Variants in USP48 observed in about 807,000 individuals in gnomAD.
USP48 encodes the protein ubiquitin carboxyl-terminal hydrolase 48.
USP48 carries 43 observed loss-of-function variants against 150.7 expected under a neutral mutation model. The observed-to-expected ratio is 0.29, with a 90% CI of 0.22 to 0.37. USP48 has a LOEUF of 0.37. USP48 is among the 10% of genes least tolerant of loss of function. The pLI, the probability that USP48 is intolerant of heterozygous loss-of-function variation, is 1.00. For missense variants in USP48, 813 were observed against 1,249.6 expected, an observed-to-expected ratio of 0.65 and a Z score of 5.27; for synonymous variants, 396 against 425.9, an observed-to-expected ratio of 0.93 and a Z score of 0.86.
intron 1 of USP48, 85 bp downstream of exon 1, chr1:21,782,739 G>A: frequency 1.4e-6 from 2 of 1,432,350 alleles, no homozygotes; most frequent in Non-Finnish European, 1.8e-6. Context: ...CACGCAAAGG[G>A]CTGCCGTCTT....
intron 12 of USP48, among the ~76,000 whole-genome samples, chr1:21,722,117 C>T (rs2097722685): frequency 6.6e-6 from 1 of 151,828 alleles, no homozygotes; most frequent in Non-Finnish European, 1.5e-5. Flanking sequence ...AAATAATGAT[C>T]TTCATGTGAA....
In USP48 at chr1:21,735,514, T is replaced by G. The variant is rs146077671; in HGVS notation, c.1171+932A>C. The stretch of plus-strand genomic sequence containing the variant: ...ACCTGTAATCCCAGCACTTTGGGAG[T>G]TCAAGGCAGGCAGATCACTGGAGGC... On this transcript the variant is annotated intron_variant, in intron 9 of 26. Transcript: ENST00000308271. Among the ~76,000 whole-genome samples the G allele has an allele frequency of 2.2e-3, 337 of 151,820 alleles. 2 individuals carry two copies. Among genetic ancestry groups the G allele is most frequent in the African/African-American group, 7.0e-3 (290 of 41,410 alleles).
chr1:21,697,218 C>T (rs1214492058), intron 22 of USP48, among the ~76,000 whole-genome samples: 6 of 152,004 alleles, frequency 3.9e-5, no homozygotes, highest in Admixed American at 3.9e-4. Flanking sequence ...TGGCGAGACA[C>T]TGCCTGAGGA....
chr1:21,759,174 A>C (rs1352749079), intron 1 of USP48, among the ~76,000 whole-genome samples: 1 of 106,440 alleles, frequency 9.4e-6, no homozygotes. Context: ...AGAGAGAGAC[A>C]CGGTCTCAAA....
In USP48 at chr1:21,783,038, G is replaced by C. The variant is rs2097918546; in HGVS notation, c.-81C>G. The C allele has an allele frequency of 1.4e-6, 2 of 1,409,598 alleles. No homozygotes were observed. Among genetic ancestry groups the C allele is most frequent in the South Asian group, 1.5e-5 (1 of 64,878 alleles). 87.3% of individuals were successfully genotyped at this position (1,409,598 alleles called of 1,614,324 possible). A position where few individuals can be genotyped will look rare whatever the true frequency, so the allele number is the denominator to read the frequency against. On this transcript the variant is annotated 5_prime_UTR_variant, in exon 1 of 27. Transcript: ENST00000308271. Reference sequence around the variant, plus strand: ...CTGCACCGCCGCCCCAATGGGCTTCGCCACCTGCCAGCAAGGAGGACCTGG... The same window carrying C: ...CTGCACCGCCGCCCCAATGGGCTTCCCCACCTGCCAGCAAGGAGGACCTGG...
intron 14 of USP48, among the ~76,000 whole-genome samples, chr1:21,716,347 T>G (rs1393214960): frequency 6.6e-6 from 1 of 152,158 alleles, no homozygotes; most frequent in Non-Finnish European, 1.5e-5. Context: ...AGAGGGTTGC[T>G]AGGTGACCAG....
chr1:21,683,695 G>C (rs1246890291), intron 25 of USP48, among the ~76,000 whole-genome samples: 1 of 152,122 alleles, frequency 6.6e-6, no homozygotes, highest in African/African-American at 2.4e-5. Flanking sequence ...TAGCTCTTTT[G>C]AAATATACAA....
At chr1:21,730,766 T>TC (rs1353949256) in intron 9 of USP48, among the ~76,000 whole-genome samples, 4 of 149,380 alleles carry the variant, frequency 2.7e-5, no homozygotes, top group African/African-American at 4.9e-5. Flanking sequence ...ATATTTTTAT[T>TC]CTTTTTTTTT....
At chr1:21,765,654 C>A (rs1187035963) in intron 1 of USP48, among the ~76,000 whole-genome samples, 5 of 150,532 alleles carry the variant, frequency 3.3e-5, no homozygotes, top group African/African-American at 1.2e-4. Context: ...CTGAACAAGG[C>A]ATGAGACGTT....
At chr1:21,740,915 G>A (rs966030873) in intron 8 of USP48, among the ~76,000 whole-genome samples, 15 of 152,184 alleles carry the variant, frequency 9.9e-5, no homozygotes, top group African/African-American at 3.6e-4. Context: ...AGGTTGACCT[G>A]AACAGAGAAC....
intron 1 of USP48, among the ~76,000 whole-genome samples, chr1:21,776,302 A>G (rs2097898154): frequency 6.6e-6 from 1 of 152,160 alleles, no homozygotes; most frequent in African/African-American, 2.4e-5. Context: ...CAGTCCTGAC[A>G]CATGTGGTCT....
At chr1:21,729,872 C>T in intron 9 of USP48, 40 bp from the exon 10 acceptor site, 2 of 1,612,980 alleles carry the variant, frequency 1.2e-6, no homozygotes, top group East Asian at 2.2e-5. Context: ...ACTTAAGTGC[C>T]TAGAGTTTGT....
intron 24 of USP48, among the ~76,000 whole-genome samples, chr1:21,689,758 A>G (rs1278501604): frequency 2.0e-5 from 3 of 152,106 alleles, no homozygotes; most frequent in African/African-American, 7.2e-5. Flanking sequence ...CACCTACTAT[A>G]ACACACAAGA....
chr1:21,724,199 A>T (rs2097730003), intron 11 of USP48, 104 bp from the exon 12 acceptor site: 2 of 1,137,334 alleles, frequency 1.8e-6, no homozygotes, highest in Non-Finnish European at 2.6e-6. Flanking sequence ...GTCCAGAGTT[A>T]GCAGAATCAG....
At chr1:21,776,012 G>A (rs937637071) in intron 1 of USP48, among the ~76,000 whole-genome samples, 1 of 152,172 alleles carries the variant, frequency 6.6e-6, no homozygotes, top group Non-Finnish European at 1.5e-5. Flanking sequence ...TTATGTTGGT[G>A]AGGGTATGAT....
rs770089005 is a variant in USP48 at position 21,757,787 on chromosome 1, A to AG, written c.135-5dup. 2.5e-6 allele frequency: 4 copies of AG among 1,578,870 alleles called. No individual in the cohort carries two copies. Among genetic ancestry groups the AG allele is most frequent in the Non-Finnish European group, 3.4e-6 (4 of 1,169,662 alleles). The stretch of plus-strand genomic sequence containing the variant: ...CGGATTTCCTTTGCAGTTTCGTCTA[A>AG]GGGGAAAAAAAAAACCTTTAATTTT... On this transcript the variant is annotated splice_polypyrimidine_tract_variant and splice_region_variant and intron_variant, in intron 1 of 26. Transcript: ENST00000308271.
intron 14 of USP48, among the ~76,000 whole-genome samples, chr1:21,720,782 C>T (rs12029478): frequency 0.16 from 23,704 of 151,790 alleles, 2,612 homozygotes; most frequent in East Asian, 0.37. Context: ...CAACCTGCCT[C>T]GGCCTCCTAA....
At chr1:21,710,076 G>T (rs67385166) in intron 15 of USP48, among the ~76,000 whole-genome samples, 10,795 of 151,838 alleles carry the variant, frequency 0.071, 492 homozygotes, top group Non-Finnish European at 0.091. Flanking sequence ...AATAAATTTG[G>T]GTTGCTCTTT....
Position 21,736,450 on chromosome 1 carries a change from A to C in USP48, c.1167T>G (p.Asp389Glu). 1 of 1,607,914 alleles carries C rather than the reference A, an allele frequency of 6.2e-7. No homozygotes were observed. The highest frequency in any genetic ancestry group is 8.5e-7 in the Non-Finnish European group (1 of 1,178,058). Reference sequence around the variant, plus strand: ...CTCACAACTTAAAGGTTTTACCTAGATCTTCCTCAATCCCTAGTTGTAATT... The same window carrying C: ...CTCACAACTTAAAGGTTTTACCTAGCTCTTCCTCAATCCCTAGTTGTAATT... Reference protein sequence around the residue: ...GKKLQLGIEEDLAEPSKSQTR... With the variant: ...GKKLQLGIEEELAEPSKSQTR... Residue 389 changes from aspartate to glutamate, a missense_variant, in exon 9 of 27, where the codon GAT (aspartate) becomes GAG (glutamate). Asp to Glu is a conservative substitution (Grantham distance 45, BLOSUM62 2). Coordinates refer to ENST00000308271, the MANE Select transcript of USP48 (RefSeq NM_032236.8).
Sources: allele counts gnomAD v4.1 joint callset (sites outside exome capture counted in the v4.1 genomes callset), GRCh38; gene constraint gnomAD v4.1.1; transcripts MANE v1.5; gene names NCBI Gene and HGNC (gene_info 2026-07-23, HGNC 2026-07-21).